The following PPP2R2C variants were observed in gnomAD, a reference collection of about 807,000 sequenced individuals.
The protein encoded by PPP2R2C is protein phosphatase 2, regulatory subunit B, gamma.
PPP2R2C carries 10 observed loss-of-function variants against 45.3 expected under a neutral mutation model. The observed-to-expected ratio is 0.22, with a 90% CI of 0.14 to 0.37. PPP2R2C has a LOEUF of 0.37. PPP2R2C is among the 10% of genes least tolerant of loss of function. PPP2R2C has a pLI of 1.00. For missense variants in PPP2R2C, 308 were observed against 619.7 expected (o/e 0.50, Z 5.34); for synonymous variants, 257 against 245.4 (o/e 1.05, Z -0.44).
Position 6,375,932 on chromosome 4 carries a change from CT to C in PPP2R2C, c.335-2del. Reference sequence around the variant, plus strand: ...ATCTTCCATAATTTGATAGTTTTATCTTTAAAAACAGAACAAAATAAAGCGA... The same window carrying C: ...ATCTTCCATAATTTGATAGTTTTATCTTAAAAACAGAACAAAATAAAGCGA... On this transcript the variant is annotated splice_acceptor_variant, in intron 3 of 8. Coordinates refer to ENST00000382599, the MANE Select transcript of PPP2R2C (RefSeq NM_020416.4). LOFTEE classifies it high-confidence loss of function. 6.2e-7 allele frequency: 1 copy of C among 1,607,458 alleles called. No individual in the cohort carries two copies. The highest frequency in any genetic ancestry group is 1.1e-5 in the South Asian group (1 of 90,792).
chr4:6,395,457 G>T (rs1036055195), intron 1 of PPP2R2C, among the ~76,000 whole-genome samples: 1 of 152,216 alleles, frequency 6.6e-6, no homozygotes, highest in Non-Finnish European at 1.5e-5. Context: ...TCCAGGGTAA[G>T]GCTGGTTTCC....
chr4:6,520,951 G>A (rs6817323), intron 2 of PPP2R2C, among the ~76,000 whole-genome samples: 145,730 of 152,210 alleles, frequency 0.96, 69,760 homozygotes, highest in East Asian at 1. Flanking sequence ...CATTGTTCTT[G>A]TTAATTATCA....
At chr4:6,496,554 C>T (rs1246818278) in intron 2 of PPP2R2C, among the ~76,000 whole-genome samples, 1 of 152,188 alleles carries the variant, frequency 6.6e-6, no homozygotes, top group Non-Finnish European at 1.5e-5. Flanking sequence ...TCCCTAGGCA[C>T]CTTCTGTGCG....
At chr4:6,512,584 GTGA>G (rs1723689344) in intron 2 of PPP2R2C, among the ~76,000 whole-genome samples, 5 of 130,198 alleles carry the variant, frequency 3.8e-5, no homozygotes, top group African/African-American at 9.0e-5. Context: ...GGTGATGGTG[GTGA>G]TGGTGATGGT....
chr4:6,512,111 TGATGGTGGG>T (rs1723600160), intron 2 of PPP2R2C, among the ~76,000 whole-genome samples: 1 of 59,152 alleles, frequency 1.7e-5, no homozygotes, highest in Non-Finnish European at 3.2e-5. Flanking sequence ...GTGGTGGTGG[TGATGGTGGG>T]GGTGGTGGTG....
chr4:6,545,588 C>G (rs970488005), intron 1 of PPP2R2C, among the ~76,000 whole-genome samples: 3 of 152,188 alleles, frequency 2.0e-5, no homozygotes, highest in African/African-American at 7.2e-5. Flanking sequence ...GGTTCCCATC[C>G]CAGCTCAGAC....
At position 6,378,721 on chromosome 4, in the gene PPP2R2C, C is replaced by T; in HGVS notation, c.169-149G>A. 1.2e-6 allele frequency: 1 copy of T among 862,304 alleles called. No individual in the cohort carries two copies. Among genetic ancestry groups the T allele is most frequent in the Non-Finnish European group, 1.8e-6 (1 of 556,668 alleles). 53.4% of individuals were successfully genotyped at this position (862,304 alleles called of 1,614,324 possible). ...GAGGGTCAAATGAAACTCTCTGCAG[C>T]TTAACCGGCCCATGACTTGCAGTGT... is the stretch of plus-strand genomic sequence containing the variant. On this transcript the variant is annotated intron_variant, in intron 2 of 8. Transcript: ENST00000382599. This position sits in a 1 kb window ranked among gnomAD's most constrained non-coding sequence, Gnocchi z 5.2.
intron 5 of PPP2R2C, among the ~76,000 whole-genome samples, chr4:6,351,926 C>A (rs1244830547): frequency 6.6e-6 from 1 of 152,196 alleles, no homozygotes; most frequent in East Asian, 1.9e-4. Context: ...CAGCCCTTTA[C>A]AAAAGGAATT....
At chr4:6,512,207 T>C (rs1377010117) in intron 2 of PPP2R2C, among the ~76,000 whole-genome samples, 1 of 86,934 alleles carries the variant, frequency 1.2e-5, no homozygotes, top group Non-Finnish European at 2.4e-5. Context: ...GTGATGGTGG[T>C]GGTGATGGTG....
rs73073198 is a variant in PPP2R2C, at chr4:6,332,193, G to T, written c.960+1369C>A. On this transcript the variant is annotated intron_variant, in intron 7 of 8. Coordinates refer to ENST00000382599, the MANE Select transcript of PPP2R2C (RefSeq NM_020416.4). This position sits in a 1 kb window ranked among gnomAD's most constrained non-coding sequence, Gnocchi z 4.9. ...GAGGTAAGTGACCGGACAAGGGGCC[G>T]GAGGGGGTTGGAAATGTTCATTTCC... Among the ~76,000 whole-genome samples, 3 of 152,168 alleles carry T rather than the reference G, an allele frequency of 2.0e-5. No individual in the cohort carries two copies. Among genetic ancestry groups the T allele is most frequent in the African/African-American group, 4.8e-5 (2 of 41,420 alleles).
chr4:6,503,277 C>G (rs1393252203), intron 2 of PPP2R2C, among the ~76,000 whole-genome samples: 1 of 152,194 alleles, frequency 6.6e-6, no homozygotes, highest in Non-Finnish European at 1.5e-5. Flanking sequence ...AGCCACTGTT[C>G]CCTCTGCCTA....
At chr4:6,404,891 G>A (rs961959619) in intron 1 of PPP2R2C, among the ~76,000 whole-genome samples, 6 of 152,222 alleles carry the variant, frequency 3.9e-5, no homozygotes, top group South Asian at 2.1e-4. Flanking sequence ...GGTCAGGTCC[G>A]CCCTGCCCCG....
chr4:6,421,560 C>T (rs1336466927), intron 1 of PPP2R2C, among the ~76,000 whole-genome samples: 1 of 152,086 alleles, frequency 6.6e-6, no homozygotes, highest in African/African-American at 2.4e-5. Flanking sequence ...AAATGGCGGC[C>T]GTGAAAACGA....
chr4:6,368,125 C>T lies in PPP2R2C; in HGVS notation c.625+4398G>A, dbSNP rs1287819654. ...GGGCCCCCGATCTGCTGACACTCCT[C>T]CCTTGTCACTGTCCCTCACCTGGCT... On this transcript the variant is annotated intron_variant, in intron 5 of 8. Coordinates refer to ENST00000382599, the MANE Select transcript of PPP2R2C (RefSeq NM_020416.4). This position sits in a 1 kb window ranked among gnomAD's most constrained non-coding sequence, Gnocchi z 4.2. 2.6e-5 allele frequency among the ~76,000 whole-genome samples: 4 copies of T among 152,188 alleles called. No individual in the cohort carries two copies. The highest frequency in any genetic ancestry group is 2.1e-4 in the South Asian group (1 of 4,826).
intron 2 of PPP2R2C, among the ~76,000 whole-genome samples, chr4:6,503,795 T>TAAA (rs11433028): frequency 6.8e-6 from 1 of 146,222 alleles, no homozygotes. Flanking sequence ...ACTTGGCAAT[T>TAAA]AAAAAAAAAA....
intron 1 of PPP2R2C, among the ~76,000 whole-genome samples, chr4:6,430,044 C>T (rs1719533493): frequency 6.6e-6 from 1 of 152,206 alleles, no homozygotes; most frequent in South Asian, 2.1e-4. Context: ...AGGACACCAC[C>T]TGAAGCCTCA....
Position 6,389,672 on chromosome 4 carries a change from C to A in PPP2R2C, c.71-8578G>T, listed in dbSNP as rs147822157. Reference sequence around the variant, plus strand: ...GGTGACGTGGCGTCTGTGGTTATCACAGTACACCTTCTGGGCACTTCCTGG... The same window carrying A: ...GGTGACGTGGCGTCTGTGGTTATCAAAGTACACCTTCTGGGCACTTCCTGG... On this transcript the variant is annotated intron_variant, in intron 1 of 8. Transcript: ENST00000382599. 1.3e-3 allele frequency among the ~76,000 whole-genome samples: 204 copies of A among 152,290 alleles called. 1 individual carries two copies. The highest frequency in any genetic ancestry group is 4.6e-3 in the African/African-American group (193 of 41,552).
At chr4:6,527,032 GAGA>G (rs1466510929) in intron 2 of PPP2R2C, among the ~76,000 whole-genome samples, 1 of 152,172 alleles carries the variant, frequency 6.6e-6, no homozygotes, top group Non-Finnish European at 1.5e-5. Flanking sequence ...CAATGCGGAG[GAGA>G]AGGAGCCCAG....
rs1270174187 is a variant in PPP2R2C, at chr4:6,364,303, G to A, written c.625+8220C>T. ...TGCAGGAGATGGCTGGAAATATGGT[G>A]AAGAGCAGGGGGCCGGGAACGCTGA... On this transcript the variant is annotated intron_variant, in intron 5 of 8. Transcript: ENST00000382599. The surrounding 1 kb of genome is among the most constrained non-coding windows in gnomAD (Gnocchi z 5.3). Among the ~76,000 whole-genome samples the A allele has an allele frequency of 1.3e-5, 2 of 152,220 alleles. No homozygotes were observed. The highest frequency in any genetic ancestry group is 2.9e-5 in the Non-Finnish European group (2 of 68,040).
Sources: allele counts gnomAD v4.1 joint callset (sites outside exome capture counted in the v4.1 genomes callset), GRCh38; gene constraint gnomAD v4.1.1; non-coding constraint Gnocchi (gnomAD v3.1); transcripts MANE v1.5; gene names NCBI Gene and HGNC (gene_info 2026-07-23, HGNC 2026-07-21).